CTNNBL1: variants seen among roughly 807,000 people sequenced by gnomAD.
The protein encoded by CTNNBL1 is beta-catenin-like protein 1.
Under a neutral mutation model 72.7 loss-of-function variants are expected in CTNNBL1, and 31 were observed. The ratio of observed to expected loss-of-function variants is 0.43; its 90% CI spans 0.32 to 0.58. The LOEUF is 0.58. Ranked by LOEUF, CTNNBL1 falls within the 20% of genes least tolerant of loss-of-function variation. CTNNBL1 has a pLI of 0.08. For synonymous variants in CTNNBL1, 240 were observed against 267.3 expected, an observed-to-expected ratio of 0.90 and a Z score of 1.00; for missense variants, 534 against 725.1, an observed-to-expected ratio of 0.74 and a Z score of 3.03.
At chr20:37,784,104 C>T (rs1201054660) in intron 10 of CTNNBL1, among the ~76,000 whole-genome samples, 1 of 151,970 alleles carries the variant, frequency 6.6e-6, no homozygotes, top group Non-Finnish European at 1.5e-5. Flanking sequence ...ATGTAATGAC[C>T]TTCTTTGTCT....
rs1178648927 is a variant in CTNNBL1, at chr20:37,768,191, T to G, written c.750+147T>G. ...ACCTCTTGCTTCTTTCTTCTCCGTT[T>G]TTGTTCGTTTTAAAACAAGAGGCTT... On this transcript the variant is annotated intron_variant, in intron 7 of 15. Transcript: ENST00000361383. 9.7e-6 allele frequency: 6 copies of G among 618,110 alleles called. No homozygotes were observed. The African/African-American group carries it at 1.1e-4, about 11-fold the overall frequency. 38.3% of individuals were successfully genotyped at this position (618,110 alleles called of 1,614,324 possible).
At chr20:37,852,286 G>A (rs1199889194) in intron 13 of CTNNBL1, among the ~76,000 whole-genome samples, 1 of 152,226 alleles carries the variant, frequency 6.6e-6, no homozygotes, top group Non-Finnish European at 1.5e-5. Flanking sequence ...TTCTTGGAAC[G>A]TCCCTTAAAT....
intron 11 of CTNNBL1, among the ~76,000 whole-genome samples, chr20:37,811,377 C>T (rs1309942374): frequency 1.3e-5 from 2 of 152,160 alleles, no homozygotes; most frequent in African/African-American, 4.8e-5. Flanking sequence ...TTAAGAATGG[C>T]ATTAAGCCAT....
At chr20:37,804,408 AT>A (rs940719746) in intron 11 of CTNNBL1, among the ~76,000 whole-genome samples, 86 of 146,274 alleles carry the variant, frequency 5.9e-4, no homozygotes, top group Non-Finnish European at 8.2e-4. Context: ...TGGCATCCTT[AT>A]TTTTTTTTTT....
intron 11 of CTNNBL1, among the ~76,000 whole-genome samples, chr20:37,832,067 G>T (rs1170338442): frequency 1.3e-5 from 2 of 152,204 alleles, no homozygotes; most frequent in Admixed American, 1.3e-4. Flanking sequence ...CCAGAATCTT[G>T]TATTATTTGG....
rs773229248 is a variant in CTNNBL1 at position 37,779,355 on chromosome 20, G to C, written c.1031+20G>C. ...GCTCAGGTATGTTTCGAATGCCCTA[G>C]TTCTCCCACCTTTTTTGCCTGACTT... On this transcript the variant is annotated intron_variant, in intron 10 of 15. Transcript: ENST00000361383. The C allele has an allele frequency of 1.7e-5, 28 of 1,608,680 alleles. No individual in the cohort carries two copies. The highest frequency in any genetic ancestry group is 2.3e-5 in the Non-Finnish European group (27 of 1,175,818).
At chr20:37,858,931 C>T (rs932927103) in intron 13 of CTNNBL1, among the ~76,000 whole-genome samples, 19 of 151,978 alleles carry the variant, frequency 1.3e-4, no homozygotes, top group African/African-American at 4.4e-4. Flanking sequence ...GGTGCCTGTG[C>T]CATTGGTTTC....
chr20:37,799,304 C>T (rs1224655330), intron 10 of CTNNBL1, among the ~76,000 whole-genome samples: 1 of 152,128 alleles, frequency 6.6e-6, no homozygotes, highest in Non-Finnish European at 1.5e-5. Context: ...CAGGATGGAG[C>T]CTGGGTTCCC....
chr20:37,834,976 G>T (rs550930305), intron 11 of CTNNBL1, among the ~76,000 whole-genome samples: 1 of 152,292 alleles, frequency 6.6e-6, no homozygotes, highest in African/African-American at 2.4e-5. Context: ...CTTTGAATAA[G>T]AATTTGTCAA....
At chr20:37,741,195 A>C (rs1379587006) in intron 3 of CTNNBL1, among the ~76,000 whole-genome samples, 1 of 152,154 alleles carries the variant, frequency 6.6e-6, no homozygotes, top group Admixed American at 6.5e-5. Flanking sequence ...CTCTAACTTT[A>C]TCCTTTCCCC....
chr20:37,815,525 T>C (rs2072049005), intron 11 of CTNNBL1, among the ~76,000 whole-genome samples: 1 of 151,708 alleles, frequency 6.6e-6, no homozygotes, highest in Non-Finnish European at 1.5e-5. Flanking sequence ...ACCATGTTGG[T>C]CAGGCTGCTC....
chr20:37,869,977 G>T (rs1398832598), intron 15 of CTNNBL1, among the ~76,000 whole-genome samples: 1 of 149,580 alleles, frequency 6.7e-6, no homozygotes, highest in Non-Finnish European at 1.5e-5. Context: ...ACCGCAGGAA[G>T]TCCAGAGTCA....
chr20:37,712,844 A>C (rs1170056295), intron 1 of CTNNBL1, among the ~76,000 whole-genome samples: 2 of 152,202 alleles, frequency 1.3e-5, no homozygotes, highest in African/African-American at 4.8e-5. Context: ...AGAGGAACAG[A>C]TTTCCTTCCG....
chr20:37,773,171 C>A (rs771305180), intron 7 of CTNNBL1, among the ~76,000 whole-genome samples: 1 of 152,210 alleles, frequency 6.6e-6, no homozygotes, highest in Non-Finnish European at 1.5e-5. Context: ...ACATGTACAA[C>A]TGGTTGATGC....
At chr20:37,769,425 T>G (rs2122671369) in intron 7 of CTNNBL1, among the ~76,000 whole-genome samples, 1 of 152,364 alleles carries the variant, frequency 6.6e-6, no homozygotes, top group Middle Eastern at 3.4e-3. Flanking sequence ...TAGTGAAAAC[T>G]GGTATTATTT....
chr20:37,804,197 A>G (rs1414451891), intron 11 of CTNNBL1, among the ~76,000 whole-genome samples: 9 of 152,178 alleles, frequency 5.9e-5, no homozygotes, highest in Non-Finnish European at 1.3e-4. Flanking sequence ...AACACTAGCT[A>G]TAAATATGTT....
chr20:37,865,430 G>A (rs552317618), intron 15 of CTNNBL1, among the ~76,000 whole-genome samples: 4 of 152,218 alleles, frequency 2.6e-5, no homozygotes, highest in African/African-American at 9.6e-5. Flanking sequence ...ATAATTTATC[G>A]TTTTGACTAT....
At chr20:37,694,215 G>C in intron 1 of CTNNBL1, 63 bp downstream of exon 1, 3 of 1,465,262 alleles carry the variant, frequency 2.0e-6, no homozygotes, top group Non-Finnish European at 2.7e-6. Flanking sequence ...GCAGGAGCCA[G>C]AGCCCTTTCA....
chr20:37,852,301 G>A (rs141181755), intron 13 of CTNNBL1, among the ~76,000 whole-genome samples: 26 of 152,324 alleles, frequency 1.7e-4, no homozygotes, highest in Non-Finnish European at 3.5e-4. Flanking sequence ...TTAAATCTCT[G>A]TTCATCATAT....
Sources: gnomAD v4.1 joint callset for allele counts (sites outside exome capture counted in the v4.1 genomes callset) on GRCh38, gnomAD v4.1.1 for gene constraint, MANE v1.5 for transcripts, NCBI Gene and HGNC (gene_info 2026-07-23, HGNC 2026-07-21) for gene names.